Variants in NXPE2 observed in about 807,000 individuals in gnomAD.
The protein encoded by NXPE2 is neurexophilin and PC-esterase domain family member 2.
NXPE2 carries 34 observed loss-of-function variants against 34.4 expected under a neutral mutation model. That is an observed-to-expected ratio of 0.99 (90% CI 0.75 to 1.31). The LOEUF is 1.31. NXPE2 is among the 40% of genes most tolerant of loss of function. NXPE2 has a pLI of 0.00. For missense variants in NXPE2, 649 were observed against 672.5 expected (o/e 0.97, Z 0.39); for synonymous variants, 235 against 231.3 (o/e 1.02, Z -0.15).
the NXPE2 span, among the ~76,000 whole-genome samples, chr11:114,622,804 G>T: frequency 6.6e-6 from 1 of 152,088 alleles, no homozygotes; most frequent in African/African-American, 2.4e-5. Flanking sequence ...AATTAGTATT[G>T]CCTCATGGGT....
At chr11:114,528,233 T>C in the NXPE2 span, among the ~76,000 whole-genome samples, 19 of 152,196 alleles carry the variant, frequency 1.2e-4, no homozygotes, top group Non-Finnish European at 2.2e-4. Context: ...GTTTGCAGAA[T>C]AGTTTCCTTG....
At chr11:114,494,633 C>A in the NXPE2 span, among the ~76,000 whole-genome samples, 1 of 152,134 alleles carries the variant, frequency 6.6e-6, no homozygotes, top group Non-Finnish European at 1.5e-5. Context: ...TGTTGAGCTT[C>A]CTTAAAACAG....
chr11:114,474,607 C>A, the NXPE2 span, among the ~76,000 whole-genome samples: 1 of 151,896 alleles, frequency 6.6e-6, no homozygotes, highest in Non-Finnish European at 1.5e-5. Context: ...TGGAGGGATG[C>A]GGACAAAGCC....
chr11:114,561,522 C>G, the NXPE2 span, among the ~76,000 whole-genome samples: 1 of 152,174 alleles, frequency 6.6e-6, no homozygotes, highest in Non-Finnish European at 1.5e-5. Flanking sequence ...TTTGGTAGCT[C>G]TTTCAGAGGG....
chr11:114,610,939 C>A, the NXPE2 span, among the ~76,000 whole-genome samples: 1 of 151,702 alleles, frequency 6.6e-6, no homozygotes. Context: ...TCGTGGGTAA[C>A]CACTGTTGCC....
the NXPE2 span, among the ~76,000 whole-genome samples, chr11:114,532,523 G>A: frequency 6.6e-6 from 1 of 151,950 alleles, no homozygotes; most frequent in East Asian, 1.9e-4. Flanking sequence ...ACCTCCACAA[G>A]TCACAGGCTG....
chr11:114,511,479 T>C, the NXPE2 span, among the ~76,000 whole-genome samples: 1 of 152,182 alleles, frequency 6.6e-6, no homozygotes, highest in Admixed American at 6.5e-5. Flanking sequence ...AATGGGGAGC[T>C]AGCTGCTGTC....
At chr11:114,729,717 A>G in the NXPE2 span, among the ~76,000 whole-genome samples, 14,264 of 152,060 alleles carry the variant, frequency 0.094, 721 homozygotes, top group Middle Eastern at 0.13. Context: ...ACAGAAGTGC[A>G]TGTTCATGTT....
the NXPE2 span, among the ~76,000 whole-genome samples, chr11:114,532,648 C>T: frequency 5.3e-5 from 8 of 151,926 alleles, no homozygotes; most frequent in African/African-American, 1.9e-4. Context: ...AAGTATGATA[C>T]AAGAAAAGTA....
the NXPE2 span, among the ~76,000 whole-genome samples, chr11:114,654,569 G>A: frequency 2.6e-5 from 4 of 152,054 alleles, no homozygotes; most frequent in East Asian, 1.9e-4. Flanking sequence ...GAGAACATTC[G>A]GTGTTTGGCC....
the NXPE2 span, among the ~76,000 whole-genome samples, chr11:114,588,312 C>T: frequency 6.6e-6 from 1 of 152,160 alleles, no homozygotes; most frequent in South Asian, 2.1e-4. Flanking sequence ...CTAGGGTTCC[C>T]TTCTTATTGC....
the NXPE2 span, among the ~76,000 whole-genome samples, chr11:114,540,528 G>A: frequency 1.3e-5 from 2 of 152,144 alleles, no homozygotes; most frequent in Admixed American, 6.6e-5. Context: ...TATGGAATGG[G>A]TGCGTATGGG....
chr11:114,777,434 T>G, the NXPE2 span, among the ~76,000 whole-genome samples: 4 of 152,304 alleles, frequency 2.6e-5, no homozygotes, highest in Admixed American at 6.5e-5. Context: ...AATGAGGAGA[T>G]AAAAACTGCT....
the NXPE2 span, among the ~76,000 whole-genome samples, chr11:114,548,745 TAGAAAA>T: frequency 6.6e-6 from 1 of 151,068 alleles, no homozygotes; most frequent in Admixed American, 6.6e-5. Flanking sequence ...GTTAAAAAGT[TAGAAAA>T]AGGAAAACAG....
At chr11:114,673,853 A>G (rs775759448), upstream of NXPE2, among the ~76,000 whole-genome samples, 31 of 151,826 alleles carry the variant, frequency 2.0e-4, no homozygotes, top group Non-Finnish European at 4.0e-4. Context: ...CAAATTGCTC[A>G]TGAGGAAATT....
intron 3 of NXPE2, among the ~76,000 whole-genome samples, chr11:114,699,022 T>G (rs1951317484): frequency 6.6e-6 from 1 of 152,190 alleles, no homozygotes; most frequent in Admixed American, 6.5e-5. Context: ...TTCTCCATGG[T>G]TTGCAATACT....
the NXPE2 span, among the ~76,000 whole-genome samples, chr11:114,630,526 G>A: frequency 4.0e-5 from 6 of 151,502 alleles, no homozygotes; most frequent in Non-Finnish European, 7.4e-5. Context: ...ATCAATTCAA[G>A]ATGGATTAAA....
chr11:114,729,387 C>T, the NXPE2 span, among the ~76,000 whole-genome samples: 1 of 152,040 alleles, frequency 6.6e-6, no homozygotes, highest in South Asian at 2.1e-4. Flanking sequence ...GCATGTGTCT[C>T]TTTGGTAGAA....
At chr11:114,600,339 C>A in the NXPE2 span, among the ~76,000 whole-genome samples, 1 of 152,046 alleles carries the variant, frequency 6.6e-6, no homozygotes, top group African/African-American at 2.4e-5. Flanking sequence ...AATTAAAAGT[C>A]TTCTCAAATT....
Sources: allele counts gnomAD v4.1 joint callset (sites outside exome capture counted in the v4.1 genomes callset), GRCh38; gene constraint gnomAD v4.1.1; transcripts MANE v1.5; gene names NCBI Gene and HGNC (gene_info 2026-07-23, HGNC 2026-07-21).